DRGX: variants seen among roughly 807,000 people sequenced by gnomAD.
DRGX encodes the protein dorsal root ganglia homeobox protein.
In DRGX, 21 loss-of-function variants were observed where a neutral mutation model predicts 28.6. The ratio of observed to expected loss-of-function variants is 0.73; its 90% CI spans 0.52 to 1.06. The LOEUF is 1.06. Among genes scored for constraint, DRGX ranks in the 50% least tolerant of loss-of-function variants. The pLI, the probability that DRGX is intolerant of heterozygous loss-of-function variation, is 0.00. For missense variants in DRGX, 354 were observed against 343.9 expected, an observed-to-expected ratio of 1.03 and a Z score of -0.23; for synonymous variants, 136 against 139.1, an observed-to-expected ratio of 0.98 and a Z score of 0.16.
At position 49,395,021 on chromosome 10, in the gene DRGX, G is replaced by T. The variant is rs1190480011; in HGVS notation, c.34+386C>A. Among the ~76,000 whole-genome samples, 7 of 152,352 alleles carry T rather than the reference G, an allele frequency of 4.6e-5. No homozygotes were observed. The East Asian group carries it at 1.4e-3, about 29-fold the overall frequency. The stretch of plus-strand genomic sequence containing the variant: ...CAGCTCGTGATCTGGGCCAGGACGC[G>T]GCGGGTCCACTCGCCTTTGCTTTCT... On this transcript the variant is annotated intron_variant, in intron 2 of 6. Transcript: ENST00000374139.
At chr10:49,386,639 G>A (rs763801560) in intron 5 of DRGX, 41 bp downstream of exon 5, 1 of 1,577,140 alleles carries the variant, frequency 6.3e-7, no homozygotes, top group South Asian at 1.2e-5. Context: ...TGTCTGCAGT[G>A]CTGCCCATGG....
chr10:49,390,020 A>AGAT, intron 4 of DRGX, 113 bp downstream of exon 4: 1 of 901,212 alleles, frequency 1.1e-6, no homozygotes, highest in Non-Finnish European at 1.7e-6. Context: ...TGAAAATGAC[A>AGAT]GATAGTCTTC....
chr10:49,368,126 C>T (rs552403061), intron 6 of DRGX, among the ~76,000 whole-genome samples: 8 of 152,336 alleles, frequency 5.3e-5, no homozygotes, highest in South Asian at 4.1e-4. Context: ...CTTTACCACC[C>T]GCTGCTCCTC....
At chr10:49,383,269 A>G (rs1180707105) in intron 6 of DRGX, among the ~76,000 whole-genome samples, 1 of 152,250 alleles carries the variant, frequency 6.6e-6, no homozygotes, top group Non-Finnish European at 1.5e-5. Flanking sequence ...GTTGCCTGGT[A>G]GAGCACAGGA....
intron 6 of DRGX, among the ~76,000 whole-genome samples, chr10:49,379,436 A>C (rs1849750571): frequency 6.6e-6 from 1 of 152,220 alleles, no homozygotes; most frequent in Non-Finnish European, 1.5e-5. Flanking sequence ...AATTTTTTAA[A>C]ACATCACAAT....
rs1031440050 is a variant in DRGX, at chr10:49,391,403, A to G, written c.35-142T>C. 31 of 672,034 alleles carry G rather than the reference A, an allele frequency of 4.6e-5. 2 individuals are homozygous for G. The East Asian group carries it at 7.9e-4, about 17-fold the overall frequency. 41.6% of individuals were successfully genotyped at this position (672,034 alleles called of 1,614,324 possible). A position where few individuals can be genotyped will look rare whatever the true frequency, so the allele number is the denominator to read the frequency against. ...CAAAGGATATTTTTCTGTTCCTCCTATTAAATCCTCCTCTTTTCCACTCTG... is the reference window on the plus strand; with the variant it reads ...CAAAGGATATTTTTCTGTTCCTCCTGTTAAATCCTCCTCTTTTCCACTCTG... On this transcript the variant is annotated intron_variant, in intron 2 of 6. Transcript: ENST00000374139.
At chr10:49,366,487 C>T (rs1400831791) in intron 6 of DRGX, 106 bp from the exon 7 acceptor site, 3 of 1,455,210 alleles carry the variant, frequency 2.1e-6, no homozygotes, top group Admixed American at 4.9e-5. Flanking sequence ...GATTGATTCC[C>T]TCTGGTGCCA....
At chr10:49,383,429 G>A (rs528284818) in intron 6 of DRGX, among the ~76,000 whole-genome samples, 2 of 152,300 alleles carry the variant, frequency 1.3e-5, no homozygotes, top group African/African-American at 4.8e-5. Flanking sequence ...CTTTGCTGGG[G>A]GCAGGAGGTA....
rs541218217 is a variant in DRGX, at chr10:49,364,514, T to C, written c.*1602A>G. 3 of 152,352 alleles carry C rather than the reference T, an allele frequency of 2.0e-5. No homozygotes were observed. The highest frequency in any genetic ancestry group is 4.8e-5 in the African/African-American group (2 of 41,576). 9.4% of individuals were successfully genotyped at this position (152,352 alleles called of 1,614,324 possible). ...AGGAAATACGAGTTTAATCAAACAA[T>C]TAGATTGAAGAGTTAGTGTACATAA... is the stretch of plus-strand genomic sequence containing the variant. On this transcript the variant is annotated 3_prime_UTR_variant, in exon 7 of 7. Coordinates refer to ENST00000374139, the MANE Select transcript of DRGX (RefSeq NM_001276451.2).
intron 6 of DRGX, among the ~76,000 whole-genome samples, chr10:49,382,561 G>A (rs1232780818): frequency 6.6e-6 from 1 of 152,156 alleles, no homozygotes; most frequent in Non-Finnish European, 1.5e-5. Context: ...CCTTGCCCAG[G>A]CCTAGATTGG....
chr10:49,374,133 T>C (rs570244060), intron 6 of DRGX, among the ~76,000 whole-genome samples: 41 of 152,284 alleles, frequency 2.7e-4, no homozygotes, highest in Admixed American at 1.5e-3. Flanking sequence ...ATTACTCTCA[T>C]AGAAAGGGTA....
chr10:49,366,792 G>T (rs1190263964), intron 6 of DRGX, among the ~76,000 whole-genome samples: 1 of 152,214 alleles, frequency 6.6e-6, no homozygotes, highest in African/African-American at 2.4e-5. Context: ...GCACTGCGGG[G>T]ATACCTTAAA....
At chr10:49,369,144 C>T (rs1849628902) in intron 6 of DRGX, among the ~76,000 whole-genome samples, 1 of 152,210 alleles carries the variant, frequency 6.6e-6, no homozygotes, top group Admixed American at 6.5e-5. Flanking sequence ...GAGCCATAGC[C>T]TACAGCTGCT....
At chr10:49,370,388 G>A (rs947294871) in intron 6 of DRGX, among the ~76,000 whole-genome samples, 11 of 151,654 alleles carry the variant, frequency 7.3e-5, no homozygotes, top group Non-Finnish European at 1.6e-4. Flanking sequence ...CTGGGTGAAA[G>A]AGTGATACTC....
At chr10:49,372,925 T>C (rs1462720490) in intron 6 of DRGX, among the ~76,000 whole-genome samples, 1 of 152,218 alleles carries the variant, frequency 6.6e-6, no homozygotes, top group African/African-American at 2.4e-5. Flanking sequence ...CCTAATTACT[T>C]GATTTCTAGA....
At chr10:49,394,022 G>T (rs1434267383) in intron 2 of DRGX, among the ~76,000 whole-genome samples, 3 of 152,182 alleles carry the variant, frequency 2.0e-5, no homozygotes, top group Non-Finnish European at 4.4e-5. Flanking sequence ...CAGACCCCTG[G>T]TTCAGATGCA....
At chr10:49,378,430 G>C (rs1275983950) in intron 6 of DRGX, among the ~76,000 whole-genome samples, 1 of 152,204 alleles carries the variant, frequency 6.6e-6, no homozygotes, top group Non-Finnish European at 1.5e-5. Context: ...AATGGAGAAA[G>C]TGCCAGTGAC....
intron 6 of DRGX, among the ~76,000 whole-genome samples, chr10:49,379,660 G>A (rs1483196190): frequency 6.6e-6 from 1 of 152,144 alleles, no homozygotes; most frequent in Non-Finnish European, 1.5e-5. Flanking sequence ...CTAATGCAGG[G>A]GCCTTGCCCT....
intron 6 of DRGX, among the ~76,000 whole-genome samples, chr10:49,368,422 G>C (rs181646177): frequency 9.0e-4 from 137 of 152,374 alleles, no homozygotes; most frequent in African/African-American, 3.1e-3. Context: ...CTGCCCTGCA[G>C]GCCCGCTGGC....
Sources: allele counts gnomAD v4.1 joint callset (sites outside exome capture counted in the v4.1 genomes callset), GRCh38; gene constraint gnomAD v4.1.1; transcripts MANE v1.5; gene names NCBI Gene and HGNC (gene_info 2026-07-23, HGNC 2026-07-21).